Variants in RIC1 observed in about 807,000 individuals in gnomAD.
RIC1 encodes guanine nucleotide exchange factor subunit RIC1.
RIC1 carries 88 observed loss-of-function variants against 169.0 expected under a neutral mutation model. The ratio of observed to expected loss-of-function variants is 0.52; its 90% CI spans 0.44 to 0.62. The LOEUF (loss-of-function observed/expected upper bound fraction) is 0.62. Among genes scored for constraint, RIC1 ranks in the 20% least tolerant of loss-of-function variants. RIC1 has a pLI of 0.00. For missense variants in RIC1, 1,877 were observed against 1,725.5 expected, an observed-to-expected ratio of 1.09 and a Z score of -1.56; for synonymous variants, 790 against 601.5, an observed-to-expected ratio of 1.31 and a Z score of -4.59.
At chr9:5,672,118 C>G (rs985229250) in intron 2 of RIC1, among the ~76,000 whole-genome samples, 3 of 152,208 alleles carry the variant, frequency 2.0e-5, no homozygotes, top group Non-Finnish European at 4.4e-5. Context: ...GCTGAAGCCT[C>G]AGCTCAGCAG....
chr9:5,732,166 GTATT>G (rs1278944483), intron 6 of RIC1, among the ~76,000 whole-genome samples: 2 of 152,148 alleles, frequency 1.3e-5, no homozygotes, highest in Non-Finnish European at 2.9e-5. Flanking sequence ...ACTGAGCTGA[GTATT>G]TATCAGACCA....
chr9:5,774,075 AG>A lies in RIC1; in HGVS notation c.4102del (p.Glu1368AsnfsTer69). On this transcript the variant is annotated frameshift_variant, in exon 26 of 26. Coordinates refer to ENST00000414202, the MANE Select transcript of RIC1 (RefSeq NM_020829.4). LOFTEE classifies it high-confidence loss of function. The part of the protein sequence containing the change: ...FQPITMGKTP[E>X]QTSPRAEESR... ...AACCAATAACTATGGGTAAGACTCC[AG>A]AACAGACTAGCCCCCGGGCAGAGGA... 1 of 1,614,124 alleles carries A rather than the reference AG, an allele frequency of 6.2e-7. No individual in the cohort carries two copies. The highest frequency in any genetic ancestry group is 1.1e-5 in the South Asian group (1 of 91,086).
chr9:5,769,302 C>G, intron 22 of RIC1, 46 bp downstream of exon 22: 1 of 1,613,848 alleles, frequency 6.2e-7, no homozygotes, highest in African/African-American at 1.3e-5. Flanking sequence ...TTGTATTTTA[C>G]TCCGTGTATT....
chr9:5,711,842 T>G (rs1364656761), intron 3 of RIC1, among the ~76,000 whole-genome samples: 4 of 152,194 alleles, frequency 2.6e-5, no homozygotes, highest in Admixed American at 1.3e-4. Flanking sequence ...TTTTTGTCCT[T>G]GCGACAGTTT....
chr9:5,636,776 C>T (rs1817991555), intron 1 of RIC1, among the ~76,000 whole-genome samples: 1 of 152,048 alleles, frequency 6.6e-6, no homozygotes, highest in Non-Finnish European at 1.5e-5. Context: ...AAGATTATGT[C>T]ATCTTCAGAG....
chr9:5,684,160 C>T (rs1472367843), intron 2 of RIC1, among the ~76,000 whole-genome samples: 2 of 151,576 alleles, frequency 1.3e-5, no homozygotes, highest in Non-Finnish European at 2.9e-5. Context: ...TCCGGCACAC[C>T]CCGGTGAGAT....
intron 1 of RIC1, among the ~76,000 whole-genome samples, chr9:5,645,008 TATTTATATATCTTATTCC>T (rs1563864912): frequency 2.0e-5 from 3 of 152,254 alleles, no homozygotes; most frequent in African/African-American, 7.2e-5. Context: ...GCTTATTAGC[TATTTATATATCTTATTCC>T]ATTTATATAT....
At chr9:5,632,335 CTA>C (rs1460590608) in intron 1 of RIC1, among the ~76,000 whole-genome samples, 2 of 152,164 alleles carry the variant, frequency 1.3e-5, no homozygotes, top group Admixed American at 6.5e-5. Flanking sequence ...GACTGAATCT[CTA>C]TTAAAATCTC....
chr9:5,763,908 G>C lies in RIC1; in HGVS notation c.2841+40G>C. 2 of 1,539,980 alleles carry C rather than the reference G, an allele frequency of 1.3e-6. No homozygotes were observed. The highest frequency in any genetic ancestry group is 2.3e-5 in the East Asian group (1 of 44,062). On this transcript the variant is annotated intron_variant, in intron 19 of 25. Coordinates refer to ENST00000414202, the MANE Select transcript of RIC1 (RefSeq NM_020829.4). This position sits in a 1 kb window ranked among gnomAD's most constrained non-coding sequence, Gnocchi z 5.2. ...CTTATAAAGGGGCAAGAATTAATGA[G>C]CTTAAACTTAGAAAAATAGAAATGT...
rs1484364908 is a variant in RIC1, at chr9:5,756,382, T to G, written c.1853+10T>G. 3 of 1,419,918 alleles carry G rather than the reference T, an allele frequency of 2.1e-6. No homozygotes were observed. The highest frequency in any genetic ancestry group is 2.9e-5 in the African/African-American group (2 of 69,396). 88.0% of individuals were successfully genotyped at this position (1,419,918 alleles called of 1,614,324 possible). A position where few individuals can be genotyped will look rare whatever the true frequency, so the allele number is the denominator to read the frequency against. ...AAAGAAAATCTGATGGGTAAGTATC[T>G]GGCATATGAGAAGTCACTTTTTGCT... On this transcript the variant is annotated intron_variant, in intron 16 of 25. Transcript: ENST00000414202.
chr9:5,669,646 C>T (rs2130554413), intron 2 of RIC1, among the ~76,000 whole-genome samples: 1 of 152,196 alleles, frequency 6.6e-6, no homozygotes, highest in African/African-American at 2.4e-5. Context: ...TGTTGAAACA[C>T]AGTAAGGAAA....
intron 1 of RIC1, 95 bp from the exon 2 acceptor site, chr9:5,656,488 A>T (rs1739499532): frequency 1.8e-6 from 1 of 551,122 alleles, no homozygotes; most frequent in African/African-American, 1.9e-5. Context: ...TTACTGTAAA[A>T]ATACTTTGAA....
rs957446595 is a variant in RIC1 at position 5,738,569 on chromosome 9, C to G, written c.901+31C>G. On this transcript the variant is annotated intron_variant, in intron 8 of 25. Transcript: ENST00000414202. ...TCTTTTTTTTTTTTTTTTTTTTTAA[C>G]ATTTTTAATGTACTGGTATTGCCAT... The G allele has an allele frequency of 4.2e-6, 4 of 942,274 alleles. No homozygotes were observed. The African/African-American group carries it at 9.0e-5, about 21-fold the overall frequency. The allele number at this position is 942,274 out of a possible 1,614,324, so 58.4% of individuals were successfully genotyped here. A position where few individuals can be genotyped will look rare whatever the true frequency, so the allele number is the denominator to read the frequency against.
At chr9:5,761,323 A>G (rs990141173) in intron 17 of RIC1, among the ~76,000 whole-genome samples, 1 of 151,628 alleles carries the variant, frequency 6.6e-6, no homozygotes, top group Non-Finnish European at 1.5e-5. Context: ...CATTTTGGCC[A>G]GGTTGGTCTT....
intron 17 of RIC1, among the ~76,000 whole-genome samples, chr9:5,760,503 G>C (rs75416493): frequency 2.0e-5 from 3 of 152,104 alleles, no homozygotes; most frequent in African/African-American, 7.3e-5. Context: ...TCATATTGTG[G>C]TGAATTACAG....
intron 2 of RIC1, among the ~76,000 whole-genome samples, chr9:5,658,692 G>C (rs1819256159): frequency 6.6e-6 from 1 of 152,044 alleles, no homozygotes; most frequent in Non-Finnish European, 1.5e-5. Context: ...CAAAGTTTGT[G>C]AAAATATAAG....
downstream of RIC1, among the ~76,000 whole-genome samples, chr9:5,778,452 T>G (rs1827694482): frequency 6.6e-6 from 1 of 152,236 alleles, no homozygotes; most frequent in Non-Finnish European, 1.5e-5. Flanking sequence ...CAATAGTGGA[T>G]ATCCTTGTCT....
In RIC1 at chr9:5,770,109, T is replaced by C; in HGVS notation, c.3447T>C (p.Ser1149=). Residue 1149 remains serine, a synonymous_variant, in exon 23 of 26, where the codon TCT becomes TCC. Coordinates refer to ENST00000414202, the MANE Select transcript of RIC1 (RefSeq NM_020829.4). Reference sequence around the variant, plus strand: ...CAGTGGGAGAGCAGCTGTTAAAGTCTCAATCAGCTGACCCATTTTTGAACC... The same window carrying C: ...CAGTGGGAGAGCAGCTGTTAAAGTCCCAATCAGCTGACCCATTTTTGAACC... ...YRTVGEQLLK[S]QSADPFLNLE... is the part of the protein sequence containing the mutation. 1 of 1,613,192 alleles carries C rather than the reference T, an allele frequency of 6.2e-7. No homozygotes were observed. The highest frequency in any genetic ancestry group is 8.5e-7 in the Non-Finnish European group (1 of 1,179,608).
At position 5,765,700 on chromosome 9, in the gene RIC1, T is replaced by G. The variant is rs746842720; in HGVS notation, c.3039T>G (p.Asn1013Lys). The G allele has an allele frequency of 5.6e-6, 9 of 1,614,194 alleles. No individual in the cohort carries two copies. The highest frequency in any genetic ancestry group is 7.6e-6 in the Non-Finnish European group (9 of 1,180,012). Residue 1013 changes from asparagine (N) to lysine (K), a missense_variant, in exon 21 of 26, where the codon AAT (asparagine) becomes AAG (lysine). By Grantham distance (94) the Asn-to-Lys change is moderately conservative. This residue lies in a region of RIC1 where 681 missense variants were observed against 582.0 expected (regional missense o/e 1.17). Coordinates refer to ENST00000414202, the MANE Select transcript of RIC1 (RefSeq NM_020829.4). ...SSSGGFEFFR[N>K]RSISLSQSAE... ...GTGGTGGATTTGAGTTCTTCAGGAA[T>G]CGAAGCATCAGTTTATCCCAGTCAG...
Sources: gnomAD v4.1 joint callset for allele counts (sites outside exome capture counted in the v4.1 genomes callset) on GRCh38, gnomAD v4.1.1 for gene constraint, gnomAD v4.1.1 regional missense constraint, Gnocchi (gnomAD v3.1) non-coding constraint, MANE v1.5 for transcripts, NCBI Gene and HGNC (gene_info 2026-07-23, HGNC 2026-07-21) for gene names.